SLC18B1: variants seen among roughly 807,000 people sequenced by gnomAD.
SLC18B1 encodes MFS-type transporter SLC18B1.
SLC18B1 carries 62 observed loss-of-function variants against 53.9 expected under a neutral mutation model. That is an observed-to-expected ratio of 1.15 (90% confidence interval 0.94 to 1.42). SLC18B1 has a LOEUF of 1.42. Ranked by LOEUF, SLC18B1 falls within the 40% of genes most tolerant of loss-of-function variation. The pLI, the probability that SLC18B1 is intolerant of heterozygous loss-of-function variation, is 0.00. For missense variants in SLC18B1, 598 were observed against 547.3 expected, an observed-to-expected ratio of 1.09 and a Z score of -0.93; for synonymous variants, 217 against 200.9, an observed-to-expected ratio of 1.08 and a Z score of -0.68.
chr6:132,790,104 T>C (rs1245200562), intron 3 of SLC18B1, 73 bp downstream of exon 3: 1 of 1,130,336 alleles, frequency 8.8e-7, no homozygotes, highest in Non-Finnish European at 1.3e-6. Context: ...ATGCAAATTC[T>C]AGACTAGTAA....
intron 5 of SLC18B1, among the ~76,000 whole-genome samples, chr6:132,786,965 A>T (rs1248101134): frequency 1.3e-5 from 2 of 152,192 alleles, no homozygotes; most frequent in Admixed American, 1.3e-4. Context: ...GACAGCACAG[A>T]AACACTTAAG....
At chr6:132,795,795 TAA>T (rs1781660202) in intron 2 of SLC18B1, among the ~76,000 whole-genome samples, 1 of 152,266 alleles carries the variant, frequency 6.6e-6, no homozygotes, top group Non-Finnish European at 1.5e-5. Context: ...TCATTAGCTA[TAA>T]ATCTTAACAC....
chr6:132,784,206 T>C lies in SLC18B1; in HGVS notation c.502-117A>G, dbSNP rs956274017. On this transcript the variant is annotated intron_variant, in intron 5 of 13. Coordinates refer to ENST00000275227, the MANE Select transcript of SLC18B1 (RefSeq NM_052831.3). ...AATTTACATACACACACTCCCAAGA[T>C]GGCCCCAAAATTTAAATGCACATAT... 4 of 704,316 alleles carry C rather than the reference T, an allele frequency of 5.7e-6. No homozygotes were observed. In the Admixed American group the frequency reaches 1.2e-4, roughly 22 times the overall value. The allele number at this position is 704,316 out of a possible 1,614,324, so 43.6% of individuals were successfully genotyped here. A position where few individuals can be genotyped will look rare whatever the true frequency, so the allele number is the denominator to read the frequency against.
In SLC18B1 at chr6:132,771,042, C is replaced by G. The variant is rs758645506; in HGVS notation, c.1248G>C (p.Leu416=). ...TAAAAGACTGATTACTCACACTTAT[C>G]AGAGCCCATAGACCTTGTATAGCTG... ...WAAAIQGLWA[L]ISGLAMGLFY... The change falls in exon 12 of 14, where the codon CTG becomes CTC. Residue 416 remains leucine (L), a synonymous_variant. Coordinates refer to ENST00000275227, the MANE Select transcript of SLC18B1 (RefSeq NM_052831.3). The G allele has an allele frequency of 1.9e-6, 3 of 1,613,850 alleles. No homozygotes were observed. In the East Asian group the frequency reaches 6.7e-5, roughly 36 times the overall value.
intron 5 of SLC18B1, among the ~76,000 whole-genome samples, chr6:132,786,441 C>T (rs1433319474): frequency 6.7e-6 from 1 of 149,942 alleles, no homozygotes. Context: ...CCCAGCTACT[C>T]GGGAGGCTGA....
At chr6:132,795,385 C>T (rs1781650444) in intron 2 of SLC18B1, among the ~76,000 whole-genome samples, 1 of 152,144 alleles carries the variant, frequency 6.6e-6, no homozygotes, top group Admixed American at 6.5e-5. Flanking sequence ...CTGAATTGGG[C>T]AAGTCACAAC....
intron 2 of SLC18B1, among the ~76,000 whole-genome samples, chr6:132,796,354 C>CAAAAAAAAAAA (rs780737208): frequency 2.5e-4 from 11 of 44,698 alleles, no homozygotes; most frequent in African/African-American, 7.9e-4. Flanking sequence ...GACTCCATCT[C>CAAAAAAAAAAA]AAAAAAAAAA....
intron 4 of SLC18B1, 194 bp downstream of exon 4, chr6:132,789,570 C>G (rs932468794): frequency 2.0e-6 from 1 of 498,558 alleles, no homozygotes; most frequent in African/African-American, 1.9e-5. Context: ...GGAGATCCCC[C>G]GGAGGCCTGT....
intron 2 of SLC18B1, among the ~76,000 whole-genome samples, chr6:132,790,857 T>G (rs185281072): frequency 4.6e-5 from 7 of 152,274 alleles, no homozygotes; most frequent in Non-Finnish European, 8.8e-5. Flanking sequence ...CCTGACATTC[T>G]ACGTTCTCCT....
Position 132,771,137 on chromosome 6 carries a change from T to G in SLC18B1, c.1161-8A>C. 6.2e-7 allele frequency: 1 copy of G among 1,611,092 alleles called. No individual in the cohort carries two copies. The highest frequency in any genetic ancestry group is 1.1e-5 in the South Asian group (1 of 90,320). On this transcript the variant is annotated splice_polypyrimidine_tract_variant and splice_region_variant and intron_variant, in intron 11 of 13. Coordinates refer to ENST00000275227, the MANE Select transcript of SLC18B1 (RefSeq NM_052831.3). ...GTTGGTCCCATAAAAGCACTAACAA[T>G]AGAAAGAAGAAAAAGTATTCAATAG...
rs776117519 is a variant in SLC18B1, at chr6:132,770,886, A to G, written c.1304+4T>C. 2 of 1,606,498 alleles carry G rather than the reference A, an allele frequency of 1.2e-6. No individual in the cohort carries two copies. Among genetic ancestry groups the G allele is most frequent in the Non-Finnish European group, 1.7e-6 (2 of 1,177,994 alleles). On this transcript the variant is annotated splice_donor_region_variant and intron_variant, in intron 13 of 13. Coordinates refer to ENST00000275227, the MANE Select transcript of SLC18B1 (RefSeq NM_052831.3). Reference sequence around the variant, plus strand: ...GAGAAAAAAAGCCCCAAAATTGACCATACCTTTTTCTCCTTGAATACTCCA... The same window carrying G: ...GAGAAAAAAAGCCCCAAAATTGACCGTACCTTTTTCTCCTTGAATACTCCA...
intron 2 of SLC18B1, among the ~76,000 whole-genome samples, chr6:132,793,766 G>T (rs1562272372): frequency 6.6e-6 from 1 of 152,156 alleles, no homozygotes. Context: ...TGATGTGACC[G>T]TGCATGTACT....
chr6:132,796,431 C>A (rs1486798063), intron 2 of SLC18B1, among the ~76,000 whole-genome samples: 4 of 141,946 alleles, frequency 2.8e-5, no homozygotes, highest in Non-Finnish European at 6.0e-5. Context: ...GAGGCTGAGG[C>A]AGGAGAATCA....
At chr6:132,776,834 G>A (rs1306401422) in intron 7 of SLC18B1, among the ~76,000 whole-genome samples, 1 of 152,170 alleles carries the variant, frequency 6.6e-6, no homozygotes, top group Non-Finnish European at 1.5e-5. Context: ...GATTTCTTAG[G>A]TTGGAGTTGG....
rs576257415 is a variant in SLC18B1, at chr6:132,797,083, A to G, written c.82T>C (p.Trp28Arg). Residue 28 changes from tryptophan (W) to arginine (R), a missense_variant, in exon 2 of 14, where the codon TGG becomes CGG. Physicochemically the swap from Trp to Arg is moderately radical, Grantham distance 101 (BLOSUM62 -3). Coordinates refer to ENST00000275227, the MANE Select transcript of SLC18B1 (RefSeq NM_052831.3). ...ACAAAAACCTGTTCTCTCGAAAGCC[A>G]CCCGGGGGTCTCTCCTGCACTTCCT... ...PAGSAGETPG[W>R]LSREQVFVLI... 13 of 1,614,160 alleles carry G rather than the reference A, an allele frequency of 8.1e-6. No individual in the cohort carries two copies. Among genetic ancestry groups the G allele is most frequent in the Admixed American group, 6.7e-5 (4 of 60,014 alleles).
chr6:132,797,592 C>T (rs1485257379), intron 1 of SLC18B1, among the ~76,000 whole-genome samples: 16 of 151,812 alleles, frequency 1.1e-4, no homozygotes, highest in Admixed American at 9.8e-4. Context: ...AGAGAGACTC[C>T]GTCTCAAAAA....
intron 6 of SLC18B1, among the ~76,000 whole-genome samples, chr6:132,782,775 C>G (rs1781269651): frequency 6.6e-6 from 1 of 150,460 alleles, no homozygotes; most frequent in Non-Finnish European, 1.5e-5. Flanking sequence ...AAAATAATAA[C>G]AATTTTTTTT....
At chr6:132,792,079 T>C (rs1301464132) in intron 2 of SLC18B1, among the ~76,000 whole-genome samples, 1 of 150,860 alleles carries the variant, frequency 6.6e-6, no homozygotes, top group South Asian at 2.1e-4. Context: ...AATACAAAAA[T>C]TAGCCAGGTG....
At chr6:132,796,956 G>T (rs1440586740) in intron 2 of SLC18B1, 26 bp downstream of exon 2, 1 of 1,601,976 alleles carries the variant, frequency 6.2e-7, no homozygotes, top group Admixed American at 1.7e-5. Flanking sequence ...AAAAACAGAG[G>T]TCCTAAGGAT....
Sources: allele counts gnomAD v4.1 joint callset (sites outside exome capture counted in the v4.1 genomes callset), GRCh38; gene constraint gnomAD v4.1.1; transcripts MANE v1.5; gene names NCBI Gene and HGNC (gene_info 2026-07-23, HGNC 2026-07-21).